Variants in LEPROTL1 observed in about 807,000 individuals in gnomAD.
LEPROTL1 encodes leptin receptor overlapping transcript-like 1.
LEPROTL1 carries 6 observed loss-of-function variants against 15.4 expected under a neutral mutation model. The observed-to-expected ratio is 0.39, with a 90% CI of 0.21 to 0.77. The LOEUF (loss-of-function observed/expected upper bound fraction) is 0.77. Ranked by LOEUF, LEPROTL1 falls within the 30% of genes least tolerant of loss-of-function variation. The probability of loss-of-function intolerance (pLI) is 0.41; values close to 1 mark genes in which losing one functional copy is unlikely to be tolerated. For missense variants in LEPROTL1, 128 were observed against 158.1 expected, an observed-to-expected ratio of 0.81 and a Z score of 1.02; for synonymous variants, 56 against 52.6, an observed-to-expected ratio of 1.06 and a Z score of -0.28.
chr8:30,133,515 A>G (rs931309530), intron 4 of LEPROTL1, among the ~76,000 whole-genome samples: 4 of 152,190 alleles, frequency 2.6e-5, no homozygotes, highest in Non-Finnish European at 5.9e-5. Flanking sequence ...GATCCATCCC[A>G]TCTTCCATCC....
In LEPROTL1 at chr8:30,106,309, A is replaced by T. The variant is rs1006130865; in HGVS notation, c.*447A>T. On this transcript the variant is annotated 3_prime_UTR_variant, in exon 4 of 4. Transcript: ENST00000321250. The stretch of plus-strand genomic sequence containing the variant: ...ATTATTACAAAAAATTATAAAAATA[A>T]GTTTTCAGTCAGTCAGGATGACATC... 7.1e-6 allele frequency: 7 copies of T among 986,440 alleles called. No homozygotes were observed. The East Asian group carries it at 3.4e-4, about 48-fold the overall frequency. The allele number at this position is 986,440 out of a possible 1,614,324, so 61.1% of individuals were successfully genotyped here. A position where few individuals can be genotyped will look rare whatever the true frequency, so the allele number is the denominator to read the frequency against.
chr8:30,134,315 C>T (rs1304591958), intron 4 of LEPROTL1, among the ~76,000 whole-genome samples: 8 of 151,442 alleles, frequency 5.3e-5, no homozygotes, highest in East Asian at 1.9e-4. Flanking sequence ...CCTAGCTACT[C>T]GGGAGGCTGA....
At chr8:30,108,604 G>T (rs998818973), downstream of LEPROTL1, 2 of 150,894 alleles carry the variant, frequency 1.3e-5, no homozygotes, top group African/African-American at 4.9e-5. Flanking sequence ...GACACTAAAT[G>T]TCTGCTCTAA....
chr8:30,095,473 C>G lies in LEPROTL1; in HGVS notation c.-40C>G. Reference sequence around the variant, plus strand: ...GTCTCCCGGCTGCCGCTGCTGCCGCCGCCGCCTCGGGTCGTGGAGCCAGGA... The same window carrying G: ...GTCTCCCGGCTGCCGCTGCTGCCGCGGCCGCCTCGGGTCGTGGAGCCAGGA... On this transcript the variant is annotated 5_prime_UTR_variant, in exon 1 of 4. Transcript: ENST00000321250. 3 of 1,466,232 alleles carry G rather than the reference C, an allele frequency of 2.0e-6. No homozygotes were observed. Among genetic ancestry groups the G allele is most frequent in the African/African-American group, 1.5e-5 (1 of 68,214 alleles). The allele number at this position is 1,466,232 out of a possible 1,614,324, so 90.8% of individuals were successfully genotyped here.
chr8:30,100,073 C>A (rs1394400365), intron 1 of LEPROTL1, among the ~76,000 whole-genome samples: 2 of 152,204 alleles, frequency 1.3e-5, no homozygotes, highest in African/African-American at 4.8e-5. Context: ...AAATGCAATT[C>A]TTTTCCTGTA....
At chr8:30,102,507 C>A (rs566116311) in intron 2 of LEPROTL1, among the ~76,000 whole-genome samples, 2 of 151,970 alleles carry the variant, frequency 1.3e-5, no homozygotes, top group African/African-American at 4.8e-5. Flanking sequence ...AAAAAAATAG[C>A]CAGGCGTGGT....
intron 3 of LEPROTL1, among the ~76,000 whole-genome samples, chr8:30,113,893 C>G (rs1311740749): frequency 6.6e-6 from 1 of 152,088 alleles, no homozygotes; most frequent in African/African-American, 2.4e-5. Flanking sequence ...TGGAATACAC[C>G]GAAGCTCCGT....
At chr8:30,129,711 T>TCTCTCACA (rs757804315) in intron 3 of LEPROTL1, among the ~76,000 whole-genome samples, 2 of 128,300 alleles carry the variant, frequency 1.6e-5, no homozygotes, top group African/African-American at 5.7e-5. Flanking sequence ...TGAGACCCTG[T>TCTCTCACA]CACACACACA....
At chr8:30,121,034 T>C (rs1454141489) in intron 3 of LEPROTL1, among the ~76,000 whole-genome samples, 1 of 152,156 alleles carries the variant, frequency 6.6e-6, no homozygotes, top group African/African-American at 2.4e-5. Flanking sequence ...TAAGTCTGAC[T>C]CCTCTAGGTA....
chr8:30,130,082 G>A (rs1031597244), intron 3 of LEPROTL1, among the ~76,000 whole-genome samples: 2 of 152,068 alleles, frequency 1.3e-5, no homozygotes, highest in Admixed American at 1.3e-4. Flanking sequence ...TTCAACATGA[G>A]ACCCAAACCA....
At chr8:30,101,155 T>A (rs894294254) in intron 1 of LEPROTL1, among the ~76,000 whole-genome samples, 19 of 152,202 alleles carry the variant, frequency 1.2e-4, no homozygotes, top group Non-Finnish European at 2.5e-4. Context: ...AGGAGCTGAT[T>A]AGAAGAGGTT....
intron 1 of LEPROTL1, among the ~76,000 whole-genome samples, chr8:30,099,289 G>A (rs1399785960): frequency 2.0e-5 from 3 of 152,156 alleles, no homozygotes; most frequent in Non-Finnish European, 2.9e-5. Flanking sequence ...GTCTAATCAG[G>A]AGGTTTGGAA....
chr8:30,095,611 C>G (rs930548930), intron 1 of LEPROTL1, 83 bp downstream of exon 1: 3 of 1,166,068 alleles, frequency 2.6e-6, no homozygotes, highest in East Asian at 3.3e-5. Context: ...CCCGCACTTC[C>G]CCTCCGGGCT....
At chr8:30,105,505 A>T (rs1184725938) in intron 3 of LEPROTL1, among the ~76,000 whole-genome samples, 1 of 149,268 alleles carries the variant, frequency 6.7e-6, no homozygotes, top group Non-Finnish European at 1.5e-5. Context: ...TAAAAGTACC[A>T]CTTTTATACT....
chr8:30,118,825 A>G (rs997403767), intron 3 of LEPROTL1, among the ~76,000 whole-genome samples: 2 of 152,212 alleles, frequency 1.3e-5, no homozygotes, highest in African/African-American at 4.8e-5. Flanking sequence ...GTTCAAGGGA[A>G]GGTACTATGC....
intron 3 of LEPROTL1, among the ~76,000 whole-genome samples, chr8:30,118,540 C>A (rs1268903017): frequency 1.3e-5 from 2 of 152,038 alleles, no homozygotes; most frequent in East Asian, 3.9e-4. Flanking sequence ...GAGTGGCCTG[C>A]CCCTCCACAC....
chr8:30,137,301 G>C, exon 5 of LEPROTL1: 2 of 1,551,646 alleles, frequency 1.3e-6, no homozygotes, highest in Non-Finnish European at 1.7e-6. Context: ...TCAGCAAGAT[G>C]GGAACAGCTG....
chr8:30,125,694 G>A (rs1472125659), intron 3 of LEPROTL1, among the ~76,000 whole-genome samples: 1 of 152,088 alleles, frequency 6.6e-6, no homozygotes, highest in Non-Finnish European at 1.5e-5. Flanking sequence ...AGGAAACTTG[G>A]GGCCCAGATG....
At chr8:30,096,011 C>A in intron 1 of LEPROTL1, 1 of 610,814 alleles carries the variant, frequency 1.6e-6, no homozygotes. Context: ...TGCCCGAAAC[C>A]TCGACCCCAC....
Sources: allele counts gnomAD v4.1 joint callset (sites outside exome capture counted in the v4.1 genomes callset), GRCh38; gene constraint gnomAD v4.1.1; transcripts MANE v1.5; gene names NCBI Gene and HGNC (gene_info 2026-07-23, HGNC 2026-07-21).